CDH6: variants seen among roughly 807,000 people sequenced by gnomAD.
CDH6 encodes cadherin-6.
CDH6 carries 31 observed loss-of-function variants against 78.0 expected under a neutral mutation model. That is an observed-to-expected ratio of 0.40 (90% confidence interval 0.30 to 0.54). The LOEUF is 0.54. CDH6 is among the 20% of genes least tolerant of loss of function. CDH6 has a pLI of 0.56. For synonymous variants in CDH6, 376 were observed against 368.8 expected (o/e 1.02, Z -0.23); for missense variants, 724 against 975.9 (o/e 0.74, Z 3.44).
chr5:31,271,121 G>A (rs1579869631), intron 2 of CDH6, among the ~76,000 whole-genome samples: 1 of 152,264 alleles, frequency 6.6e-6, no homozygotes, highest in East Asian at 1.9e-4. Context: ...TAATGCTGTT[G>A]AGAAAATAAC....
At chr5:31,279,478 G>A (rs1022291786) in intron 2 of CDH6, among the ~76,000 whole-genome samples, 31 of 152,166 alleles carry the variant, frequency 2.0e-4, no homozygotes, top group African/African-American at 6.5e-4. Flanking sequence ...ACCTGAGGTC[G>A]GAGGATCTCT....
intron 6 of CDH6, among the ~76,000 whole-genome samples, chr5:31,304,366 C>A (rs1423004950): frequency 6.6e-6 from 1 of 152,006 alleles, no homozygotes; most frequent in Non-Finnish European, 1.5e-5. Context: ...AGACATTGGC[C>A]AGTTTTAAAC....
intron 4 of CDH6, among the ~76,000 whole-genome samples, chr5:31,298,705 A>G (rs1026684985): frequency 2.6e-5 from 4 of 152,212 alleles, no homozygotes; most frequent in African/African-American, 9.6e-5. Context: ...AAATTGGGCA[A>G]ACTTTTAGAA....
intron 2 of CDH6, among the ~76,000 whole-genome samples, chr5:31,270,627 T>C (rs183069342): frequency 6.6e-6 from 1 of 152,324 alleles, no homozygotes. Flanking sequence ...GAGCTAGTAA[T>C]TCGCAAGGGG....
At chr5:31,236,382 T>C (rs1291527328) in intron 1 of CDH6, among the ~76,000 whole-genome samples, 1 of 152,164 alleles carries the variant, frequency 6.6e-6, no homozygotes, top group East Asian at 1.9e-4. Context: ...ATATGACTCA[T>C]TGAAGGATCA....
intron 1 of CDH6, among the ~76,000 whole-genome samples, chr5:31,231,975 C>T (rs1741322624): frequency 6.6e-6 from 1 of 152,134 alleles, no homozygotes; most frequent in Admixed American, 6.5e-5. Context: ...TTTCAAATCA[C>T]CCTGATTTGT....
chr5:31,226,297 C>T (rs2111841972), intron 1 of CDH6, among the ~76,000 whole-genome samples: 1 of 152,212 alleles, frequency 6.6e-6, no homozygotes, highest in Admixed American at 6.5e-5. Context: ...GTCTCAGCCT[C>T]CCAAGTAGCT....
At chr5:31,226,860 T>G (rs1023944605) in intron 1 of CDH6, among the ~76,000 whole-genome samples, 17 of 152,208 alleles carry the variant, frequency 1.1e-4, no homozygotes, top group Non-Finnish European at 1.6e-4. Flanking sequence ...TCCTCATTAT[T>G]ATGCAATCAA....
intron 1 of CDH6, among the ~76,000 whole-genome samples, chr5:31,239,536 A>C (rs1741541335): frequency 6.6e-6 from 1 of 152,226 alleles, no homozygotes; most frequent in Non-Finnish European, 1.5e-5. Context: ...GAAATGATAT[A>C]AAGAAGCATC....
At position 31,263,385 on chromosome 5, in the gene CDH6, T is replaced by C. The variant is rs1347181983; in HGVS notation, c.-128-3961T>C. On this transcript the variant is annotated intron_variant, in intron 1 of 11. Transcript: ENST00000265071. ...GCGCCTCCTGCCTCAGCCTCCTGAG[T>C]AGCTGGGATTACAGGCACCTGCCAC... Among the ~76,000 whole-genome samples the C allele has an allele frequency of 6.0e-5, 9 of 151,114 alleles. No homozygotes were observed. The East Asian group carries it at 1.6e-3, about 26-fold the overall frequency.
chr5:31,195,271 A>T (rs1483283871), intron 1 of CDH6, among the ~76,000 whole-genome samples: 4 of 152,040 alleles, frequency 2.6e-5, no homozygotes, highest in African/African-American at 9.7e-5. Context: ...TGCAGATCAA[A>T]ATGTGGGCTT....
rs1417866635 is a variant in CDH6 at position 31,265,775 on chromosome 5, T to TG, written c.-128-1571_-128-1570insG. Among the ~76,000 whole-genome samples, 191 of 133,252 alleles carry TG rather than the reference T, an allele frequency of 1.4e-3. 1 individual carries two copies. Among genetic ancestry groups the TG allele is most frequent in the African/African-American group, 5.4e-3 (186 of 34,580 alleles). 87.4% of individuals were successfully genotyped at this position (133,252 alleles called of 152,430 possible). Reference sequence around the variant, plus strand: ...TAGTATTATTTAAGACAATGTTTTTTTTTTTTTTTTTTTTTTTGAGATGGA... The same window carrying TG: ...TAGTATTATTTAAGACAATGTTTTTTGTTTTTTTTTTTTTTTTTGAGATGGA... On this transcript the variant is annotated intron_variant, in intron 1 of 11. Coordinates refer to ENST00000265071, the MANE Select transcript of CDH6 (RefSeq NM_004932.4).
chr5:31,200,193 A>AT (rs997244824), intron 1 of CDH6, among the ~76,000 whole-genome samples: 2 of 152,204 alleles, frequency 1.3e-5, no homozygotes, highest in Non-Finnish European at 2.9e-5. Context: ...TGTGTGGGCC[A>AT]TTTTTATGAA....
chr5:31,275,633 T>C (rs1742669639), intron 2 of CDH6, among the ~76,000 whole-genome samples: 1 of 152,232 alleles, frequency 6.6e-6, no homozygotes, highest in Non-Finnish European at 1.5e-5. Context: ...ATTCCATGTC[T>C]TTGCTATTGT....
intron 1 of CDH6, among the ~76,000 whole-genome samples, chr5:31,212,158 C>T (rs1252433508): frequency 6.6e-6 from 1 of 152,146 alleles, no homozygotes; most frequent in Non-Finnish European, 1.5e-5. Flanking sequence ...ATAGTTTTGA[C>T]TTAATCAAGG....
chr5:31,271,044 C>T (rs971936666), intron 2 of CDH6, among the ~76,000 whole-genome samples: 21 of 152,188 alleles, frequency 1.4e-4, no homozygotes. Context: ...CAGAGCTTAA[C>T]ATGGGTGCCT....
intron 1 of CDH6, among the ~76,000 whole-genome samples, chr5:31,243,596 G>T (rs920793480): frequency 6.6e-6 from 1 of 152,158 alleles, no homozygotes; most frequent in Non-Finnish European, 1.5e-5. Flanking sequence ...GATGGCTGAG[G>T]CTTCTTTACT....
chr5:31,254,766 G>T (rs112180741), intron 1 of CDH6, among the ~76,000 whole-genome samples: 1 of 151,926 alleles, frequency 6.6e-6, no homozygotes, highest in Non-Finnish European at 1.5e-5. Flanking sequence ...TTTTTTCTTC[G>T]GATTTTTTCA....
rs760063262 is a variant in CDH6, at chr5:31,297,290, T to C, written c.525T>C (p.Gly175=). ...TATVPEMSDV[G]TFVVQVTATD... ...CAGTTTATATTTCTGTCATTACAGGTACATTTGTTGTCCAAGTCACTGCGA... is the reference window on the plus strand; with the variant it reads ...CAGTTTATATTTCTGTCATTACAGGCACATTTGTTGTCCAAGTCACTGCGA... The change falls in exon 4 of 12, where the codon GGT becomes GGC. Residue 175 remains glycine, a splice_region_variant and synonymous_variant. Coordinates refer to ENST00000265071, the MANE Select transcript of CDH6 (RefSeq NM_004932.4). The C allele has an allele frequency of 5.6e-6, 9 of 1,611,058 alleles. No individual in the cohort carries two copies. The African/African-American group carries it at 1.1e-4, about 19-fold the overall frequency.
Sources: gnomAD v4.1 joint callset for allele counts (sites outside exome capture counted in the v4.1 genomes callset) on GRCh38, gnomAD v4.1.1 for gene constraint, MANE v1.5 for transcripts, NCBI Gene and HGNC (gene_info 2026-07-23, HGNC 2026-07-21) for gene names.